The following BCAS1 variants were observed in gnomAD, a reference collection of about 807,000 sequenced individuals.
BCAS1 encodes the protein breast carcinoma-amplified sequence 1.
Under a neutral mutation model 65.4 loss-of-function variants are expected in BCAS1, and 46 were observed. The ratio of observed to expected loss-of-function variants is 0.70; its 90% CI spans 0.55 to 0.90. The LOEUF is 0.90. Among genes scored for constraint, BCAS1 ranks in the 40% least tolerant of loss-of-function variants. The pLI is 0.00. For synonymous variants in BCAS1, 298 were observed against 293.5 expected (o/e 1.02, Z -0.16); for missense variants, 793 against 771.2 (o/e 1.03, Z -0.33).
At chr20:54,044,591 A>C (rs1266918789) in intron 3 of BCAS1, among the ~76,000 whole-genome samples, 1 of 152,208 alleles carries the variant, frequency 6.6e-6, no homozygotes, top group Non-Finnish European at 1.5e-5. Context: ...TAATCCCAGC[A>C]CTTTGGGAGG....
At chr20:53,986,706 T>C (rs2090624199) in intron 7 of BCAS1, among the ~76,000 whole-genome samples, 1 of 152,140 alleles carries the variant, frequency 6.6e-6, no homozygotes, top group African/African-American at 2.4e-5. Flanking sequence ...AAGACCAGCC[T>C]GGGCAACATG....
At chr20:54,004,079 A>G (rs1323992809) in intron 4 of BCAS1, among the ~76,000 whole-genome samples, 2 of 152,208 alleles carry the variant, frequency 1.3e-5, no homozygotes, top group African/African-American at 4.8e-5. Context: ...TGTCTCCCCA[A>G]AATTCATGTG....
chr20:54,056,848 A>G (rs1465230925), intron 3 of BCAS1, among the ~76,000 whole-genome samples: 1 of 152,204 alleles, frequency 6.6e-6, no homozygotes, highest in Non-Finnish European at 1.5e-5. Context: ...TATGATAATG[A>G]TAGGAGCACT....
At position 54,028,611 on chromosome 20, in the gene BCAS1, C is replaced by G; in HGVS notation, c.504G>C (p.Arg168Ser). The part of the protein sequence containing the change: ...PAQDKVLSAA[R>S]DPTLLPPETG... ...TCTCAGGTGGGAGAAGCGTGGGATC[C>G]CTGGCGGCAGAGAGGACCTTGTCTT... Residue 168 changes from arginine (R) to serine (S), a missense_variant, in exon 4 of 13, where the codon AGG becomes AGC. Transcript: ENST00000688948. 1 of 1,614,170 alleles carries G rather than the reference C, an allele frequency of 6.2e-7. No individual in the cohort carries two copies. The highest frequency in any genetic ancestry group is 8.5e-7 in the Non-Finnish European group (1 of 1,180,040).
intron 12 of BCAS1, among the ~76,000 whole-genome samples, chr20:53,952,622 C>A (rs1443580498): frequency 1.3e-5 from 2 of 152,102 alleles, no homozygotes; most frequent in Non-Finnish European, 2.9e-5. Context: ...TTATGAGTAT[C>A]CTTTTTTTTG....
chr20:54,057,987 T>A (rs1041263894), intron 3 of BCAS1, 98 bp downstream of exon 3: 7 of 943,006 alleles, frequency 7.4e-6, no homozygotes, highest in Non-Finnish European at 1.2e-5. Context: ...GCCTGCGGCT[T>A]CGACCCTTTC....
intron 3 of BCAS1, among the ~76,000 whole-genome samples, chr20:54,050,108 A>G (rs186891136): frequency 6.6e-5 from 10 of 152,250 alleles, no homozygotes; most frequent in Non-Finnish European, 1.3e-4. Flanking sequence ...TCCATTCTCC[A>G]GCTTCCAGTC....
At chr20:53,970,328 C>T (rs1431260705) in intron 9 of BCAS1, among the ~76,000 whole-genome samples, 2 of 152,150 alleles carry the variant, frequency 1.3e-5, no homozygotes, top group African/African-American at 2.4e-5. Context: ...CCTTTGAAGT[C>T]AGGCCAAGAA....
rs555168043 is a variant in BCAS1, at chr20:54,028,886, C to T, written c.229G>A (p.Gly77Arg). The change falls in exon 4 of 13, where the codon GGA becomes AGA. Residue 77 changes from glycine (G) to arginine (R), a missense_variant. Coordinates refer to ENST00000688948, the MANE Select transcript of BCAS1 (RefSeq NM_001366298.2). ...TEISAVADAN[G>R]KNLGKEAKPE... ...TTGGCCTCTTTCCCAAGATTCTTTC[C>T]GTTGGCATCCGCAACAGCACTTATC... is the stretch of plus-strand genomic sequence containing the variant. The T allele has an allele frequency of 2.5e-6, 4 of 1,614,026 alleles. No homozygotes were observed. Among genetic ancestry groups the T allele is most frequent in the Admixed American group, 1.7e-5 (1 of 60,000 alleles).
chr20:54,041,427 T>A (rs763685475), intron 3 of BCAS1, among the ~76,000 whole-genome samples: 8 of 150,228 alleles, frequency 5.3e-5, no homozygotes, highest in Non-Finnish European at 8.9e-5. Flanking sequence ...GAGTGAAGAG[T>A]TCACAGGAAA....
intron 3 of BCAS1, among the ~76,000 whole-genome samples, chr20:54,045,930 T>A (rs2092095435): frequency 6.6e-6 from 1 of 152,108 alleles, no homozygotes; most frequent in Non-Finnish European, 1.5e-5. Context: ...GAGAAAAATA[T>A]GAAAGAAGAA....
chr20:54,058,985 G>T (rs1268984528), intron 1 of BCAS1, among the ~76,000 whole-genome samples: 1 of 152,174 alleles, frequency 6.6e-6, no homozygotes, highest in African/African-American at 2.4e-5. Context: ...AATCGTGGCA[G>T]AAGACACCTC....
chr20:54,049,376 C>T (rs1050722958), intron 3 of BCAS1, among the ~76,000 whole-genome samples: 41 of 152,190 alleles, frequency 2.7e-4, no homozygotes, highest in Middle Eastern at 3.4e-3. Context: ...CTCTGCCATA[C>T]GTTAGCAGTG....
intron 12 of BCAS1, among the ~76,000 whole-genome samples, chr20:53,949,602 G>A (rs969531303): frequency 3.3e-5 from 5 of 152,208 alleles, no homozygotes; most frequent in African/African-American, 7.2e-5. Context: ...GAAAGTCTTC[G>A]AGGCTTGGTC....
intron 3 of BCAS1, among the ~76,000 whole-genome samples, chr20:54,040,574 G>A (rs2091972377): frequency 6.6e-6 from 1 of 151,244 alleles, no homozygotes; most frequent in South Asian, 2.1e-4. Flanking sequence ...TATACTAATG[G>A]CCAAGGAACT....
chr20:53,980,988 G>C (rs1463996533), intron 8 of BCAS1, among the ~76,000 whole-genome samples: 4 of 152,222 alleles, frequency 2.6e-5, no homozygotes. Context: ...ACGGGATCCT[G>C]TTTGGACATT....
chr20:54,050,916 G>A (rs1324616109), intron 3 of BCAS1, among the ~76,000 whole-genome samples: 2 of 152,158 alleles, frequency 1.3e-5, no homozygotes, highest in Non-Finnish European at 2.9e-5. Flanking sequence ...TATCTCTTTA[G>A]GTGGGTCTTT....
intron 3 of BCAS1, among the ~76,000 whole-genome samples, chr20:54,057,684 G>A (rs1342681407): frequency 6.6e-6 from 1 of 152,220 alleles, no homozygotes; most frequent in Non-Finnish European, 1.5e-5. Flanking sequence ...GTTAAGATGA[G>A]GTTATTAGGG....
Position 54,062,410 on chromosome 20 carries a change from G to A in BCAS1, c.-5-3687C>T, listed in dbSNP as rs113910541. ...TTTGCTGGTGTGGAAACTGAGGCAC[G>A]CAGGTTAAATGTCTCAGTCAAGGAT... On this transcript the variant is annotated intron_variant, in intron 1 of 12. Coordinates refer to ENST00000688948, the MANE Select transcript of BCAS1 (RefSeq NM_001366298.2). 2.0e-3 allele frequency among the ~76,000 whole-genome samples: 303 copies of A among 152,304 alleles called. 1 individual carries two copies. The highest frequency in any genetic ancestry group is 6.9e-3 in the African/African-American group (286 of 41,564).
Sources: allele counts gnomAD v4.1 joint callset (sites outside exome capture counted in the v4.1 genomes callset), GRCh38; gene constraint gnomAD v4.1.1; transcripts MANE v1.5; gene names NCBI Gene and HGNC (gene_info 2026-07-23, HGNC 2026-07-21).